SDK1: variants seen among roughly 807,000 people sequenced by gnomAD.
The protein encoded by SDK1 is protein sidekick-1.
In SDK1, 157 loss-of-function variants were observed where a neutral mutation model predicts 245.5. That is an observed-to-expected ratio of 0.64 (90% CI 0.56 to 0.73). The LOEUF is 0.73. Among genes scored for constraint, SDK1 ranks in the 30% least tolerant of loss-of-function variants. The pLI is 0.00. For synonymous variants in SDK1, 1,647 were observed against 1,278.5 expected (o/e 1.29, Z -6.15); for missense variants, 3,583 against 3,002.3 (o/e 1.19, Z -4.52).
At chr7:3,786,808 A>G (rs1053585334) in intron 4 of SDK1, among the ~76,000 whole-genome samples, 2 of 152,106 alleles carry the variant, frequency 1.3e-5, no homozygotes, top group Admixed American at 6.5e-5. Flanking sequence ...GTTTTGAGGA[A>G]TACACCTCGG....
chr7:3,956,612 T>C (rs566784270), intron 7 of SDK1, among the ~76,000 whole-genome samples: 1 of 152,320 alleles, frequency 6.6e-6, no homozygotes, highest in East Asian at 1.9e-4. Flanking sequence ...ACTGAGCTAC[T>C]AAAACTGCCC....
chr7:3,666,236 G>A (rs1049722867), intron 4 of SDK1, among the ~76,000 whole-genome samples: 1 of 152,154 alleles, frequency 6.6e-6, no homozygotes, highest in Non-Finnish European at 1.5e-5. Flanking sequence ...TCCTGGCCTT[G>A]TGCCGCCTGC....
chr7:3,972,243 C>G (rs1165105165), intron 12 of SDK1, among the ~76,000 whole-genome samples: 2 of 152,012 alleles, frequency 1.3e-5, no homozygotes, highest in African/African-American at 4.8e-5. Flanking sequence ...CCACTCCCGG[C>G]TATTTTTTTG....
chr7:4,226,220 T>G (rs1785436785), intron 40 of SDK1, among the ~76,000 whole-genome samples: 1 of 152,136 alleles, frequency 6.6e-6, no homozygotes, highest in Admixed American at 6.5e-5. Context: ...GGGCCCCGTT[T>G]TGTATTGGGA....
intron 9 of SDK1, among the ~76,000 whole-genome samples, chr7:3,965,510 T>C (rs2062933133): frequency 6.6e-6 from 1 of 152,150 alleles, no homozygotes; most frequent in African/African-American, 2.4e-5. Context: ...AGTTTTTTAA[T>C]TAAAATACCC....
At chr7:3,377,150 C>G (rs996535266) in intron 1 of SDK1, among the ~76,000 whole-genome samples, 7 of 152,162 alleles carry the variant, frequency 4.6e-5, no homozygotes, top group African/African-American at 1.7e-4. Context: ...GCTGTTCAAT[C>G]TCTCTGAGGA....
chr7:4,062,977 T>C (rs1262456229), intron 19 of SDK1, among the ~76,000 whole-genome samples: 1 of 152,176 alleles, frequency 6.6e-6, no homozygotes, highest in Non-Finnish European at 1.5e-5. Flanking sequence ...AGTCTGTATA[T>C]GAAAAACCCA....
intron 4 of SDK1, chr7:3,643,048 C>G (rs1177130922): frequency 2.6e-5 from 4 of 152,298 alleles, no homozygotes; most frequent in African/African-American, 9.6e-5. Context: ...TCTCCCCTAC[C>G]TGAGCATCTG....
At chr7:3,936,250 A>G (rs188218673) in intron 5 of SDK1, among the ~76,000 whole-genome samples, 1 of 152,064 alleles carries the variant, frequency 6.6e-6, no homozygotes, top group Admixed American at 6.5e-5. Context: ...GTGGGGAGTG[A>G]GTGTTTAATG....
chr7:3,301,971 C>T (rs1431337588), intron 1 of SDK1, 87 bp downstream of exon 1: 8 of 983,480 alleles, frequency 8.1e-6, no homozygotes, highest in South Asian at 4.7e-5. Context: ...TCCGGGGTCC[C>T]CCCGCTTCCC....
chr7:3,643,818 A>C (rs1020335320), intron 4 of SDK1: 5 of 147,236 alleles, frequency 3.4e-5, no homozygotes, highest in Admixed American at 1.4e-4. Flanking sequence ...CCATGTCTCC[A>C]GTCTTCTAGT....
intron 1 of SDK1, among the ~76,000 whole-genome samples, chr7:3,609,622 G>A (rs748155341): frequency 3.3e-5 from 5 of 151,992 alleles, no homozygotes; most frequent in Admixed American, 6.6e-5. Flanking sequence ...GGATGGTCTC[G>A]ATTTCCTGAT....
chr7:4,139,401 GTGTGTGTGTATA>G (rs1424791709), intron 28 of SDK1, among the ~76,000 whole-genome samples: 5 of 146,564 alleles, frequency 3.4e-5, no homozygotes, highest in African/African-American at 1.3e-4. Flanking sequence ...GTGTGTATAT[GTGTGTGTGTATA>G]TGTGTGTGTG....
chr7:3,897,490 A>G (rs1005809235), intron 5 of SDK1, among the ~76,000 whole-genome samples: 2 of 152,080 alleles, frequency 1.3e-5, no homozygotes, highest in Non-Finnish European at 2.9e-5. Context: ...TCTCAGCATA[A>G]TGTCTTTGAG....
chr7:3,667,086 A>G (rs1583288149), intron 4 of SDK1, among the ~76,000 whole-genome samples: 1 of 152,238 alleles, frequency 6.6e-6, no homozygotes, highest in South Asian at 2.1e-4. Flanking sequence ...GACAAAAGAA[A>G]TAAAAATCCC....
chr7:3,733,864 A>G (rs192335684), intron 4 of SDK1, among the ~76,000 whole-genome samples: 20 of 152,330 alleles, frequency 1.3e-4, no homozygotes, highest in African/African-American at 3.6e-4. Flanking sequence ...TCTGAACAGA[A>G]TCGCACATAA....
At chr7:4,084,747 ATATTT>A (rs200662101) in intron 22 of SDK1, among the ~76,000 whole-genome samples, 5 of 149,592 alleles carry the variant, frequency 3.3e-5, no homozygotes, top group Non-Finnish European at 6.0e-5. Context: ...ACTTAAATGT[ATATTT>A]TATTTTATTT....
intron 4 of SDK1, among the ~76,000 whole-genome samples, chr7:3,807,602 G>A (rs1296361740): frequency 6.6e-6 from 1 of 152,146 alleles, no homozygotes; most frequent in Non-Finnish European, 1.5e-5. Context: ...GAGAGAAACA[G>A]AGAGAGTGGG....
chr7:3,604,126 C>A (rs562342242), intron 1 of SDK1, among the ~76,000 whole-genome samples: 25 of 152,084 alleles, frequency 1.6e-4, no homozygotes, highest in South Asian at 4.1e-4. Flanking sequence ...TTCATCAAGG[C>A]TATTGGTCTA....
Sources: gnomAD v4.1 joint callset for allele counts (sites outside exome capture counted in the v4.1 genomes callset) on GRCh38, gnomAD v4.1.1 for gene constraint, MANE v1.5 for transcripts, NCBI Gene and HGNC (gene_info 2026-07-23, HGNC 2026-07-21) for gene names.